The following CLEC2A variants were observed in gnomAD, a reference collection of about 807,000 sequenced individuals.
CLEC2A encodes the protein C-type lectin domain family 2 member A, also known as keratinocyte-associated C-type lectin.
CLEC2A carries 19 observed loss-of-function variants against 18.6 expected under a neutral mutation model. That is an observed-to-expected ratio of 1.02 (90% confidence interval 0.71 to 1.50). The LOEUF is 1.50. CLEC2A is among the 40% of genes most tolerant of loss of function. The pLI, the probability that CLEC2A is intolerant of heterozygous loss-of-function variation, is 0.00. For synonymous variants in CLEC2A, 74 were observed against 64.0 expected (o/e 1.16, Z -0.75); for missense variants, 190 against 207.9 (o/e 0.91, Z 0.53).
Position 9,913,384 on chromosome 12 carries a change from G to A in CLEC2A, c.*182C>T. The stretch of plus-strand genomic sequence containing the variant: ...TTGTGCCCTTATAAAAGGCTCCAGA[G>A]AACGGCCTTGTCTCTTTAACCATGG... On this transcript the variant is annotated 3_prime_UTR_variant, in exon 5 of 5. Coordinates refer to ENST00000455827, the MANE Select transcript of CLEC2A (RefSeq NM_001130711.2). 9.3e-7 allele frequency: 1 copy of A among 1,071,198 alleles called. No homozygotes were observed. Among genetic ancestry groups the A allele is most frequent in the Non-Finnish European group, 1.3e-6 (1 of 789,616 alleles). 66.4% of individuals were successfully genotyped at this position (1,071,198 alleles called of 1,614,324 possible). A position where few individuals can be genotyped will look rare whatever the true frequency, so the allele number is the denominator to read the frequency against.
intron 1 of CLEC2A, among the ~76,000 whole-genome samples, chr12:9,928,935 G>C (rs936269677): frequency 6.6e-6 from 1 of 152,058 alleles, no homozygotes; most frequent in Non-Finnish European, 1.5e-5. Flanking sequence ...TTCTTTAGCA[G>C]TTTTTATTTT....
At chr12:9,898,496 A>T (rs552282966), downstream of CLEC2A, among the ~76,000 whole-genome samples, 21 of 152,136 alleles carry the variant, frequency 1.4e-4, no homozygotes, top group Non-Finnish European at 2.9e-4. Flanking sequence ...ACTCTCCTTG[A>T]CTACTGCACC....
the CLEC2A span, among the ~76,000 whole-genome samples, chr12:9,878,205 G>A: frequency 2.6e-5 from 4 of 152,260 alleles, no homozygotes; most frequent in East Asian, 1.9e-4. Flanking sequence ...AAGTTGTAAC[G>A]TTTCTGGAGA....
chr12:9,926,713 T>C (rs985065697), intron 1 of CLEC2A, among the ~76,000 whole-genome samples: 20 of 152,040 alleles, frequency 1.3e-4, no homozygotes, highest in Non-Finnish European at 2.2e-4. Context: ...AACAGATATA[T>C]AAGGCAATAG....
At chr12:9,921,376 C>T (rs2137045469) in intron 3 of CLEC2A, among the ~76,000 whole-genome samples, 1 of 152,142 alleles carries the variant, frequency 6.6e-6, no homozygotes, top group Admixed American at 6.5e-5. Context: ...ATTGCTTGAT[C>T]TCAGTTTGAG....
chr12:9,921,990 T>A, intron 3 of CLEC2A, 76 bp downstream of exon 3: 1 of 1,161,072 alleles, frequency 8.6e-7, no homozygotes, highest in South Asian at 1.6e-5. Flanking sequence ...TGTATTATAG[T>A]ATTAGCTATT....
At chr12:9,897,405 T>TA (rs2137008880), downstream of CLEC2A, among the ~76,000 whole-genome samples, 1 of 152,258 alleles carries the variant, frequency 6.6e-6, no homozygotes, top group East Asian at 1.9e-4. Context: ...AAATTTAATC[T>TA]AATTCTGCCT....
downstream of CLEC2A, among the ~76,000 whole-genome samples, chr12:9,911,673 A>G (rs143623266): frequency 3.3e-5 from 5 of 152,280 alleles, no homozygotes; most frequent in East Asian, 9.6e-4. Context: ...CTTCCCCTTA[A>G]AAAAATACTT....
chr12:9,881,338 A>G, the CLEC2A span, among the ~76,000 whole-genome samples: 1 of 152,218 alleles, frequency 6.6e-6, no homozygotes, highest in South Asian at 2.1e-4. Flanking sequence ...TGTTGAAAAC[A>G]GTGGAACACA....
chr12:9,908,156 C>T (rs7972808), intron 4 of CLEC2A, among the ~76,000 whole-genome samples: 227 of 152,282 alleles, frequency 1.5e-3, no homozygotes, highest in African/African-American at 5.3e-3. Flanking sequence ...TTCTTACTAC[C>T]TCCCCAGCAG....
At chr12:9,922,364 T>C in intron 2 of CLEC2A, 132 bp from the exon 3 acceptor site, 1 of 598,718 alleles carries the variant, frequency 1.7e-6, no homozygotes, top group African/African-American at 1.9e-5. Context: ...CTCCCCAGAA[T>C]GAGGATGAAT....
intron 4 of CLEC2A, among the ~76,000 whole-genome samples, chr12:9,902,644 G>GAA (rs56875298): frequency 7.4e-6 from 1 of 135,852 alleles, no homozygotes; most frequent in Non-Finnish European, 1.6e-5. Flanking sequence ...AATCTTGAAA[G>GAA]AAAAAAAAAA....
At chr12:9,902,540 C>T (rs1034286234) in intron 4 of CLEC2A, among the ~76,000 whole-genome samples, 1 of 151,710 alleles carries the variant, frequency 6.6e-6, no homozygotes, top group Non-Finnish European at 1.5e-5. Context: ...GCTGGTTTGC[C>T]TTTTTAATGT....
intron 1 of CLEC2A, among the ~76,000 whole-genome samples, chr12:9,926,655 A>G (rs1185985608): frequency 3.3e-5 from 5 of 152,198 alleles, no homozygotes; most frequent in African/African-American, 1.2e-4. Context: ...TTTTAAGCAA[A>G]AAGGCATAAA....
intron 4 of CLEC2A, among the ~76,000 whole-genome samples, chr12:9,903,672 G>A (rs113384621): frequency 1.3e-5 from 2 of 152,264 alleles, no homozygotes; most frequent in African/African-American, 4.8e-5. Flanking sequence ...TAACTGTTTA[G>A]CTGTTCATTT....
chr12:9,889,175 C>G, the CLEC2A span, among the ~76,000 whole-genome samples: 2 of 152,140 alleles, frequency 1.3e-5, no homozygotes, highest in Admixed American at 1.3e-4. Flanking sequence ...CAACTGTTCA[C>G]ATGAATTTAG....
intron 4 of CLEC2A, chr12:9,899,083 G>A (rs1396784257): frequency 1.1e-5 from 7 of 608,834 alleles, no homozygotes; most frequent in Non-Finnish European, 2.1e-5. Flanking sequence ...CCTTTTATCA[G>A]TTTGCACAGG....
At chr12:9,882,602 AC>A in the CLEC2A span, among the ~76,000 whole-genome samples, 1 of 151,886 alleles carries the variant, frequency 6.6e-6, no homozygotes, top group South Asian at 2.1e-4. Flanking sequence ...ACATGGTGAA[AC>A]CCCGTCTCTA....
At position 9,922,201 on chromosome 12, in the gene CLEC2A, T is replaced by C. The variant is rs1565534024; in HGVS notation, c.171A>G (p.Ala57=). 2 of 1,549,690 alleles carry C rather than the reference T, an allele frequency of 1.3e-6. No homozygotes were observed. The highest frequency in any genetic ancestry group is 1.7e-6 in the Non-Finnish European group (2 of 1,146,060). The change falls in exon 3 of 5, where the codon GCA becomes GCG. Residue 57 remains alanine, a synonymous_variant. Transcript: ENST00000455827. The part of the protein sequence containing the change: ...ATWSKHAKPV[A]CSGDWLGVRD... ...TCACTCCAAGCCAGTCCCCTGAACA[T>C]GCCACAGGTTTAGCATGCTTGGACC...
Sources: gnomAD v4.1 joint callset for allele counts (sites outside exome capture counted in the v4.1 genomes callset) on GRCh38, gnomAD v4.1.1 for gene constraint, MANE v1.5 for transcripts, NCBI Gene and HGNC (gene_info 2026-07-23, HGNC 2026-07-21) for gene names.